The following EYS variants were observed in gnomAD, a reference collection of about 807,000 sequenced individuals.
EYS encodes protein eyes shut homolog.
Under a neutral mutation model 282.1 loss-of-function variants are expected in EYS, and 250 were observed. The observed-to-expected ratio is 0.89, with a 90% CI of 0.80 to 0.98. The LOEUF is 0.98. EYS is among the 50% of genes least tolerant of loss of function. EYS has a pLI of 0.00. For synonymous variants in EYS, 1,355 were observed against 1,282.9 expected, an observed-to-expected ratio of 1.06 and a Z score of -1.20; for missense variants, 4,016 against 3,709.0, an observed-to-expected ratio of 1.08 and a Z score of -2.15.
chr6:63,864,067 C>A (rs1002811359), intron 36 of EYS, 119 bp downstream of exon 36: 2 of 985,562 alleles, frequency 2.0e-6, no homozygotes, highest in East Asian at 2.9e-5. Flanking sequence ...TGAAAAGAAC[C>A]CAGAAGAAGA....
intron 29 of EYS, among the ~76,000 whole-genome samples, chr6:64,311,118 A>G (rs1021763102): frequency 2.0e-5 from 3 of 152,034 alleles, no homozygotes; most frequent in Admixed American, 2.0e-4. Flanking sequence ...CATAAGTGAA[A>G]CCTGAACTCA....
chr6:63,987,370 C>T (rs59110016), intron 34 of EYS, among the ~76,000 whole-genome samples: 9,152 of 151,688 alleles, frequency 0.06, 626 homozygotes, highest in African/African-American at 0.17. Flanking sequence ...ATTCACTTCT[C>T]ACATCTGATG....
chr6:65,061,691 T>C (rs534153922), intron 12 of EYS, among the ~76,000 whole-genome samples: 1 of 151,846 alleles, frequency 6.6e-6, no homozygotes. Context: ...AGTTTTCCTT[T>C]TAATTGTTTA....
chr6:65,394,688 A>T lies in EYS; in HGVS notation c.1184+7790T>A, dbSNP rs184798838. Among the ~76,000 whole-genome samples the T allele has an allele frequency of 1.0e-3, 155 of 152,254 alleles. 1 individual carries two copies. The highest frequency in any genetic ancestry group is 3.6e-3 in the African/African-American group (151 of 41,560). On this transcript the variant is annotated intron_variant, in intron 7 of 42. Coordinates refer to ENST00000503581, the MANE Select transcript of EYS (RefSeq NM_001142800.2). ...TTTTTACCATTACCTCAGATATCCC[A>T]GGAAGCCAGTGGTTTCCAAGTCATC...
intron 37 of EYS, among the ~76,000 whole-genome samples, chr6:63,799,544 T>C (rs1038324143): frequency 2.0e-5 from 3 of 152,020 alleles, no homozygotes; most frequent in African/African-American, 4.8e-5. Context: ...AAATAATAAA[T>C]AAACATGTAA....
chr6:64,900,531 C>T (rs138286221), intron 18 of EYS, among the ~76,000 whole-genome samples: 376 of 151,900 alleles, frequency 2.5e-3, no homozygotes, highest in African/African-American at 8.2e-3. Flanking sequence ...AACAAATTTA[C>T]AAGAAAAAAA....
chr6:64,800,080 T>G (rs906912682), intron 22 of EYS, among the ~76,000 whole-genome samples: 1 of 152,026 alleles, frequency 6.6e-6, no homozygotes, highest in Non-Finnish European at 1.5e-5. Context: ...CTTAGAAAAC[T>G]TTTATGGATA....
chr6:64,111,983 T>G (rs1369873440), intron 31 of EYS, among the ~76,000 whole-genome samples: 1 of 152,040 alleles, frequency 6.6e-6, no homozygotes. Flanking sequence ...TTATCCCTAT[T>G]ATATATTTAA....
At chr6:65,269,269 A>G (rs1328742112) in intron 12 of EYS, among the ~76,000 whole-genome samples, 1 of 152,212 alleles carries the variant, frequency 6.6e-6, no homozygotes, top group African/African-American at 2.4e-5. Flanking sequence ...ACAAAGAAAC[A>G]AACAAGCATG....
At chr6:65,393,180 G>C (rs1766123104) in intron 7 of EYS, among the ~76,000 whole-genome samples, 1 of 151,868 alleles carries the variant, frequency 6.6e-6, no homozygotes, top group African/African-American at 2.4e-5. Context: ...TGTGGGGTGG[G>C]GGGACGGGGG....
chr6:65,227,850 T>C (rs1007177917), intron 12 of EYS, among the ~76,000 whole-genome samples: 2 of 152,100 alleles, frequency 1.3e-5, no homozygotes, highest in Non-Finnish European at 2.9e-5. Flanking sequence ...ATTCTACTTA[T>C]ATAATGTATA....
chr6:64,902,032 A>T, intron 18 of EYS, 81 bp downstream of exon 18: 1 of 917,734 alleles, frequency 1.1e-6, no homozygotes, highest in Non-Finnish European at 1.7e-6. Context: ...TGCCTTAGTT[A>T]CATAATGAGC....
At chr6:64,925,934 G>A (rs1210082089) in intron 15 of EYS, among the ~76,000 whole-genome samples, 1 of 152,154 alleles carries the variant, frequency 6.6e-6, no homozygotes, top group Admixed American at 6.5e-5. Flanking sequence ...TCCCAATGAG[G>A]AGCAGAATAA....
At chr6:63,886,508 A>G (rs1238250951) in intron 35 of EYS, among the ~76,000 whole-genome samples, 1 of 152,248 alleles carries the variant, frequency 6.6e-6, no homozygotes, top group Non-Finnish European at 1.5e-5. Context: ...CATTTCAAGA[A>G]GTAATGCTAT....
At chr6:63,722,530 A>G (rs559337552) in intron 42 of EYS, among the ~76,000 whole-genome samples, 4 of 152,348 alleles carry the variant, frequency 2.6e-5, no homozygotes, top group Admixed American at 2.6e-4. Flanking sequence ...TGAGGCATTC[A>G]GAAGAAAAGT....
chr6:65,438,884 T>C (rs1768192246), intron 5 of EYS, among the ~76,000 whole-genome samples: 1 of 152,214 alleles, frequency 6.6e-6, no homozygotes, highest in Non-Finnish European at 1.5e-5. Context: ...CAATTTTGGC[T>C]TTTGTTACCA....
intron 22 of EYS, among the ~76,000 whole-genome samples, chr6:64,651,436 G>C (rs1035983551): frequency 6.6e-6 from 1 of 152,178 alleles, no homozygotes; most frequent in Non-Finnish European, 1.5e-5. Flanking sequence ...GGAATAATCA[G>C]AGAGGGAGAG....
chr6:64,795,773 CAGAATTTTAG>C (rs1267752681), intron 22 of EYS, among the ~76,000 whole-genome samples: 1 of 152,120 alleles, frequency 6.6e-6, no homozygotes, highest in Admixed American at 6.6e-5. Flanking sequence ...TGAGCTGTGA[CAGAATTTTAG>C]ATTAGATTCA....
At chr6:65,239,463 T>C (rs1767005122) in intron 12 of EYS, among the ~76,000 whole-genome samples, 1 of 152,092 alleles carries the variant, frequency 6.6e-6, no homozygotes, top group African/African-American at 2.4e-5. Context: ...ATACATAATG[T>C]AAATTTTCAT....
Sources: gnomAD v4.1 joint callset for allele counts (sites outside exome capture counted in the v4.1 genomes callset) on GRCh38, gnomAD v4.1.1 for gene constraint, MANE v1.5 for transcripts, NCBI Gene and HGNC (gene_info 2026-07-23, HGNC 2026-07-21) for gene names.